GCNT2: variants seen among roughly 807,000 people sequenced by gnomAD.
GCNT2 encodes the protein glucosaminyl (N-acetyl) transferase 2 (I blood group), also known as N-acetyllactosaminide beta-1,6-N-acetylglucosaminyl-transferase.
GCNT2 carries 34 observed loss-of-function variants against 34.2 expected under a neutral mutation model. That is an observed-to-expected ratio of 1.00 (90% CI 0.76 to 1.32). The LOEUF is 1.32. Among genes scored for constraint, GCNT2 ranks in the 40% most tolerant of loss-of-function variants. The probability of loss-of-function intolerance (pLI) is 0.00; values close to 1 mark genes in which losing one functional copy is unlikely to be tolerated. For synonymous variants in GCNT2, 212 were observed against 188.0 expected, an observed-to-expected ratio of 1.13 and a Z score of -1.04; for missense variants, 584 against 489.4, an observed-to-expected ratio of 1.19 and a Z score of -1.82.
intron 3 of GCNT2, among the ~76,000 whole-genome samples, chr6:10,550,977 T>A (rs545996355): frequency 3.9e-5 from 6 of 152,316 alleles, no homozygotes; most frequent in African/African-American, 1.2e-4. Flanking sequence ...AATGTTTTGG[T>A]AATACAATTA....
chr6:10,591,294 T>C (rs1764630418), intron 3 of GCNT2, among the ~76,000 whole-genome samples: 1 of 152,200 alleles, frequency 6.6e-6, no homozygotes, highest in South Asian at 2.1e-4. Flanking sequence ...AGGAATGTGC[T>C]GGAGAGTTCT....
chr6:10,545,514 C>G (rs1762230398), intron 3 of GCNT2, among the ~76,000 whole-genome samples: 1 of 152,162 alleles, frequency 6.6e-6, no homozygotes, highest in South Asian at 2.1e-4. Context: ...ATAACTGTGT[C>G]TCTTTCTAGT....
intron 3 of GCNT2, chr6:10,556,211 GT>G (rs1157647040): frequency 5.5e-5 from 78 of 1,428,466 alleles, no homozygotes; most frequent in Non-Finnish European, 6.8e-5. Context: ...AACAAAGGAG[GT>G]TTGAGAGAGG....
In GCNT2 at chr6:10,582,362, TAA is replaced by T. The variant is rs1164339091; in HGVS notation, c.926-38988_926-38987del. 3.5e-3 allele frequency among the ~76,000 whole-genome samples: 401 copies of T among 113,606 alleles called. 4 individuals carry two copies. Among genetic ancestry groups the T allele is most frequent in the African/African-American group, 0.014 (376 of 27,024 alleles). 74.5% of individuals were successfully genotyped at this position (113,606 alleles called of 152,430 possible). A position where few individuals can be genotyped will look rare whatever the true frequency, so the allele number is the denominator to read the frequency against. On this transcript the variant is annotated intron_variant, in intron 3 of 4. Coordinates refer to ENST00000495262, the MANE Select transcript of GCNT2 (RefSeq NM_145649.5). Reference sequence around the variant, plus strand: ...ATATAATATATAGTAATATTAAATATAATATATACTATAATTTAATATTTATT... The same window carrying T: ...ATATAATATATAGTAATATTAAATATTATATACTATAATTTAATATTTATT...
chr6:10,581,738 G>C (rs1764075807), intron 3 of GCNT2: 1 of 984,976 alleles, frequency 1.0e-6, no homozygotes, highest in Admixed American at 6.2e-5. Flanking sequence ...AAAGAGAAGG[G>C]AAAAAACCGA....
intron 3 of GCNT2, among the ~76,000 whole-genome samples, chr6:10,539,165 T>C (rs562925233): frequency 7.0e-6 from 1 of 143,162 alleles, no homozygotes; most frequent in Non-Finnish European, 1.5e-5. Context: ...AGCCTATCTC[T>C]ACAGCTCACC....
chr6:10,553,391 G>A (rs957185985), intron 3 of GCNT2, among the ~76,000 whole-genome samples: 1 of 152,164 alleles, frequency 6.6e-6, no homozygotes, highest in Non-Finnish European at 1.5e-5. Flanking sequence ...AGTGTCATCT[G>A]CCTCCAACAC....
At chr6:10,605,673 G>A (rs906919089) in intron 3 of GCNT2, among the ~76,000 whole-genome samples, 1 of 152,038 alleles carries the variant, frequency 6.6e-6, no homozygotes, top group South Asian at 2.1e-4. Flanking sequence ...ATGAAAGCTA[G>A]CGTCAGGGAT....
At chr6:10,575,697 A>G (rs1763776616) in intron 3 of GCNT2, among the ~76,000 whole-genome samples, 1 of 152,140 alleles carries the variant, frequency 6.6e-6, no homozygotes, top group South Asian at 2.1e-4. Flanking sequence ...TTCCACCACA[A>G]AAGAAGTGTA....
At chr6:10,548,770 T>A (rs1384808855) in intron 3 of GCNT2, among the ~76,000 whole-genome samples, 1 of 152,180 alleles carries the variant, frequency 6.6e-6, no homozygotes, top group Non-Finnish European at 1.5e-5. Flanking sequence ...GAGACCTTTT[T>A]TTTTTTTTGA....
At chr6:10,550,672 A>G (rs1257135510) in intron 3 of GCNT2, among the ~76,000 whole-genome samples, 1 of 152,018 alleles carries the variant, frequency 6.6e-6, no homozygotes, top group East Asian at 1.9e-4. Context: ...TTGTAATGAC[A>G]AGGTCTCACT....
intron 2 of GCNT2, among the ~76,000 whole-genome samples, chr6:10,528,075 C>T (rs1761288037): frequency 6.6e-6 from 1 of 152,038 alleles, no homozygotes; most frequent in South Asian, 2.1e-4. Context: ...GGCTATTGGT[C>T]GTTTTGTTGT....
chr6:10,626,908 C>T lies in GCNT2; in HGVS notation c.*301C>T, dbSNP rs1296551501. 8.1e-6 allele frequency: 3 copies of T among 369,504 alleles called. No homozygotes were observed. The highest frequency in any genetic ancestry group is 1.0e-5 in the Non-Finnish European group (2 of 197,362). The allele number at this position is 369,504 out of a possible 1,614,324, so 22.9% of individuals were successfully genotyped here. ...AAATTTAAATGACCTCAGATCTTTG[C>T]ACCAGATACTCATCATATACAAATG... On this transcript the variant is annotated 3_prime_UTR_variant, in exon 5 of 5. Transcript: ENST00000495262.
chr6:10,575,435 C>G (rs1359578367), intron 3 of GCNT2, among the ~76,000 whole-genome samples: 1 of 149,684 alleles, frequency 6.7e-6, no homozygotes, highest in Non-Finnish European at 1.5e-5. Context: ...GTTCTCAGCT[C>G]ACTGCATCCT....
At chr6:10,599,294 G>A (rs1764996678) in intron 3 of GCNT2, among the ~76,000 whole-genome samples, 1 of 152,208 alleles carries the variant, frequency 6.6e-6, no homozygotes, top group Admixed American at 6.5e-5. Flanking sequence ...AACACAGGGA[G>A]CCAACAGCAA....
chr6:10,530,686 C>T (rs915256526), intron 3 of GCNT2, among the ~76,000 whole-genome samples: 1 of 151,818 alleles, frequency 6.6e-6, no homozygotes, highest in African/African-American at 2.4e-5. Flanking sequence ...GCCTGGGCAA[C>T]ATAGTGAGAC....
At chr6:10,563,379 T>C (rs991170905) in intron 3 of GCNT2, among the ~76,000 whole-genome samples, 1 of 152,180 alleles carries the variant, frequency 6.6e-6, no homozygotes, top group South Asian at 2.1e-4. Context: ...CATTATCTCC[T>C]TTAATTCTTA....
intron 3 of GCNT2, chr6:10,585,724 C>T (rs1764312477): frequency 4.5e-6 from 6 of 1,346,480 alleles, no homozygotes; most frequent in Non-Finnish European, 5.8e-6. Flanking sequence ...CTTAGCTGAG[C>T]CTTTGCAAAC....
intron 3 of GCNT2, among the ~76,000 whole-genome samples, chr6:10,565,699 A>G (rs1346570875): frequency 6.6e-6 from 1 of 152,118 alleles, no homozygotes; most frequent in African/African-American, 2.4e-5. Flanking sequence ...CAGTCTTGGT[A>G]AATTCTTCCT....
Sources: gnomAD v4.1 joint callset for allele counts (sites outside exome capture counted in the v4.1 genomes callset) on GRCh38, gnomAD v4.1.1 for gene constraint, MANE v1.5 for transcripts, NCBI Gene and HGNC (gene_info 2026-07-23, HGNC 2026-07-21) for gene names.